The following GUCY1A2 variants were observed in gnomAD, a reference collection of about 807,000 sequenced individuals.
GUCY1A2 encodes guanylate cyclase 1 soluble subunit alpha 2, also known as guanylate cyclase soluble subunit alpha-2.
In GUCY1A2, 27 loss-of-function variants were observed where a neutral mutation model predicts 63.5. The observed-to-expected ratio is 0.43, with a 90% CI of 0.31 to 0.59. The LOEUF (loss-of-function observed/expected upper bound fraction) is 0.59. Among genes scored for constraint, GUCY1A2 ranks in the 20% least tolerant of loss-of-function variants. The pLI, the probability that GUCY1A2 is intolerant of heterozygous loss-of-function variation, is 0.11. For synonymous variants in GUCY1A2, 364 were observed against 343.5 expected, an observed-to-expected ratio of 1.06 and a Z score of -0.66; for missense variants, 768 against 913.3, an observed-to-expected ratio of 0.84 and a Z score of 2.05.
At chr11:106,964,904 C>T (rs375786893) in intron 3 of GUCY1A2, among the ~76,000 whole-genome samples, 2 of 151,994 alleles carry the variant, frequency 1.3e-5, no homozygotes, top group Admixed American at 6.6e-5. Context: ...GGCATGAACC[C>T]GGGAGGCAGA....
At chr11:106,923,800 A>C (rs1860481806) in intron 4 of GUCY1A2, among the ~76,000 whole-genome samples, 1 of 152,112 alleles carries the variant, frequency 6.6e-6, no homozygotes, top group African/African-American at 2.4e-5. Context: ...TTATGAGACA[A>C]AGGTTGAGAA....
intron 4 of GUCY1A2, among the ~76,000 whole-genome samples, chr11:106,934,969 A>G (rs1246706564): frequency 6.6e-6 from 1 of 152,240 alleles, no homozygotes; most frequent in Non-Finnish European, 1.5e-5. Context: ...AAATGAACAT[A>G]AAAGACATTA....
rs1385765591 is a variant in GUCY1A2, at chr11:106,910,662, T to TA, written c.1206+28797dup. Among the ~76,000 whole-genome samples the TA allele has an allele frequency of 9.9e-5, 15 of 152,148 alleles. No homozygotes were observed. The East Asian group carries it at 2.9e-3, about 29-fold the overall frequency. On this transcript the variant is annotated intron_variant, in intron 4 of 7. Coordinates refer to ENST00000526355, the MANE Select transcript of GUCY1A2 (RefSeq NM_000855.3). ...ATAAAATGTGAATGGAAATTATGCA[T>TA]ACTGTTCTCAGGTCTCCACTCTTTG...
intron 7 of GUCY1A2, among the ~76,000 whole-genome samples, chr11:106,706,098 C>T (rs1254408273): frequency 6.6e-6 from 1 of 152,028 alleles, no homozygotes; most frequent in Non-Finnish European, 1.5e-5. Context: ...ATATTTAAGA[C>T]AAAATGCATT....
chr11:106,803,087 A>G (rs1200759457), intron 5 of GUCY1A2, among the ~76,000 whole-genome samples: 1 of 152,188 alleles, frequency 6.6e-6, no homozygotes, highest in Non-Finnish European at 1.5e-5. Flanking sequence ...TTAGCCTTCT[A>G]ACTGTCTTCA....
chr11:107,010,823 C>T (rs141372848), intron 1 of GUCY1A2, among the ~76,000 whole-genome samples: 2,991 of 152,174 alleles, frequency 0.02, 72 homozygotes, highest in African/African-American at 0.066. Flanking sequence ...CTCCCCCTCC[C>T]ACTTTCAGGC....
intron 4 of GUCY1A2, among the ~76,000 whole-genome samples, chr11:106,843,213 C>T (rs1247182370): frequency 2.6e-5 from 4 of 151,504 alleles, no homozygotes; most frequent in East Asian, 3.9e-4. Context: ...TAATAAGATA[C>T]AATATCTGAA....
chr11:107,017,806 G>A lies in GUCY1A2; in HGVS notation c.250C>T (p.Arg84Trp). 7.1e-7 allele frequency: 1 copy of A among 1,415,194 alleles called. No homozygotes were observed. 87.7% of individuals were successfully genotyped at this position (1,415,194 alleles called of 1,614,324 possible). A position where few individuals can be genotyped will look rare whatever the true frequency, so the allele number is the denominator to read the frequency against. Residue 84 changes from arginine (R) to tryptophan (W), a missense_variant, in exon 1 of 8, where the codon CGG (arginine) becomes TGG (tryptophan). This residue lies in a region of GUCY1A2 where 496 missense variants were observed against 486.9 expected (regional missense o/e 1.02). Transcript: ENST00000526355. ...AGARRVQRRR[R>W]VNLDSLGESI... Reference sequence around the variant, plus strand: ...TCGCCCAGCGAGTCCAGGTTGACCCGCCTCCGGCGCTGCACCCTCCTGGCC... The same window carrying A: ...TCGCCCAGCGAGTCCAGGTTGACCCACCTCCGGCGCTGCACCCTCCTGGCC...
intron 1 of GUCY1A2, among the ~76,000 whole-genome samples, chr11:107,001,556 CATA>C (rs1359627966): frequency 6.6e-6 from 1 of 151,864 alleles, no homozygotes; most frequent in Non-Finnish European, 1.5e-5. Context: ...AATAACAGGA[CATA>C]ATAATTATTT....
chr11:106,896,202 G>A (rs922121150), intron 4 of GUCY1A2, among the ~76,000 whole-genome samples: 1 of 151,722 alleles, frequency 6.6e-6, no homozygotes, highest in Admixed American at 6.6e-5. Flanking sequence ...CACATCAATA[G>A]GCTAAAGAAG....
chr11:106,885,795 T>C (rs1018642835), intron 4 of GUCY1A2, among the ~76,000 whole-genome samples: 3 of 152,202 alleles, frequency 2.0e-5, no homozygotes, highest in African/African-American at 7.2e-5. Flanking sequence ...TCATCACATG[T>C]AGTATACATT....
intron 6 of GUCY1A2, among the ~76,000 whole-genome samples, chr11:106,766,113 A>G (rs1422322747): frequency 1.3e-5 from 2 of 152,172 alleles, no homozygotes; most frequent in Non-Finnish European, 2.9e-5. Flanking sequence ...GCCTGACATG[A>G]CATCAACAAA....
At chr11:106,829,347 C>T (rs1054131401) in intron 4 of GUCY1A2, among the ~76,000 whole-genome samples, 1 of 152,080 alleles carries the variant, frequency 6.6e-6, no homozygotes, top group Non-Finnish European at 1.5e-5. Flanking sequence ...TCTTTCCATA[C>T]ATGGTGTGGA....
chr11:106,872,454 G>A (rs1375103777), intron 4 of GUCY1A2, among the ~76,000 whole-genome samples: 1 of 152,098 alleles, frequency 6.6e-6, no homozygotes, highest in Non-Finnish European at 1.5e-5. Context: ...GTTCTATGAA[G>A]AGCATGATAA....
chr11:106,867,336 C>T (rs1292924103), intron 4 of GUCY1A2, among the ~76,000 whole-genome samples: 1 of 152,054 alleles, frequency 6.6e-6, no homozygotes, highest in Non-Finnish European at 1.5e-5. Context: ...TCTGAAAACA[C>T]CACAGTGTCT....
intron 6 of GUCY1A2, among the ~76,000 whole-genome samples, chr11:106,742,658 T>C (rs1241266278): frequency 6.6e-6 from 1 of 152,198 alleles, no homozygotes; most frequent in Non-Finnish European, 1.5e-5. Context: ...CATGTGTGCA[T>C]GTATCTTTAT....
At chr11:106,952,812 G>A (rs998554496) in intron 3 of GUCY1A2, among the ~76,000 whole-genome samples, 2 of 151,926 alleles carry the variant, frequency 1.3e-5, no homozygotes, top group Non-Finnish European at 2.9e-5. Context: ...GCTAATTTTT[G>A]TATTTTTAGT....
chr11:106,683,318 A>G lies in GUCY1A2; in HGVS notation c.*4231T>C, dbSNP rs1357183774. 4.5e-6 allele frequency: 1 copy of G among 222,106 alleles called. No individual in the cohort carries two copies. Among genetic ancestry groups the G allele is most frequent in the Non-Finnish European group, 9.0e-6 (1 of 111,006 alleles). 13.8% of individuals were successfully genotyped at this position (222,106 alleles called of 1,614,324 possible). A position where few individuals can be genotyped will look rare whatever the true frequency, so the allele number is the denominator to read the frequency against. On this transcript the variant is annotated 3_prime_UTR_variant, in exon 8 of 8. Coordinates refer to ENST00000526355, the MANE Select transcript of GUCY1A2 (RefSeq NM_000855.3). Reference sequence around the variant, plus strand: ...GGTTCTTGAACTTGAGTTTCTAGATATTGTCAGCTGAAAGACGCCTGGTGC... The same window carrying G: ...GGTTCTTGAACTTGAGTTTCTAGATGTTGTCAGCTGAAAGACGCCTGGTGC...
chr11:106,740,474 C>T (rs1053694900), intron 6 of GUCY1A2, among the ~76,000 whole-genome samples: 2 of 152,094 alleles, frequency 1.3e-5, no homozygotes, highest in African/African-American at 4.8e-5. Context: ...GTTTCAGCAG[C>T]CTGTTTCTTG....
Sources: gnomAD v4.1 joint callset for allele counts (sites outside exome capture counted in the v4.1 genomes callset) on GRCh38, gnomAD v4.1.1 for gene constraint, gnomAD v4.1.1 regional missense constraint, MANE v1.5 for transcripts, NCBI Gene and HGNC (gene_info 2026-07-23, HGNC 2026-07-21) for gene names.